The following XRCC4 variants were observed in gnomAD, a reference collection of about 807,000 sequenced individuals.
XRCC4 encodes the protein DNA repair protein XRCC4.
A neutral mutation model predicts 39.1 loss-of-function variants in XRCC4; 28 were observed. The ratio of observed to expected loss-of-function variants is 0.72; its 90% CI spans 0.53 to 0.98. XRCC4 has a LOEUF of 0.98. Ranked by LOEUF, XRCC4 falls within the 50% of genes least tolerant of loss-of-function variation. The pLI is 0.00. For synonymous variants in XRCC4, 123 were observed against 126.4 expected, an observed-to-expected ratio of 0.97 and a Z score of 0.18; for missense variants, 350 against 376.4, an observed-to-expected ratio of 0.93 and a Z score of 0.58.
intron 6 of XRCC4, among the ~76,000 whole-genome samples, chr5:83,235,079 A>G (rs746505355): frequency 8.6e-5 from 13 of 151,836 alleles, no homozygotes; most frequent in Admixed American, 1.3e-4. Context: ...TCACACCTAT[A>G]ATCCGATCAT....
intron 7 of XRCC4, among the ~76,000 whole-genome samples, chr5:83,344,880 T>A (rs1372836081): frequency 6.6e-6 from 1 of 152,194 alleles, no homozygotes; most frequent in Non-Finnish European, 1.5e-5. Context: ...CCAGCAAGAA[T>A]TTATCTAGTT....
chr5:83,360,095 C>A, the XRCC4 span, among the ~76,000 whole-genome samples: 1 of 152,092 alleles, frequency 6.6e-6, no homozygotes, highest in African/African-American at 2.4e-5. Flanking sequence ...GTATATTAAT[C>A]CTTGAGACAA....
intron 1 of XRCC4, among the ~76,000 whole-genome samples, chr5:83,080,140 A>G (rs1042822022): frequency 1.3e-5 from 2 of 152,210 alleles, no homozygotes; most frequent in East Asian, 1.9e-4. Flanking sequence ...AATTGCATAT[A>G]TTAGGCACTA....
chr5:83,270,792 T>C (rs1469040463), intron 7 of XRCC4, among the ~76,000 whole-genome samples: 1 of 13,146 alleles, frequency 7.6e-5, no homozygotes, highest in African/African-American at 1.3e-4. Flanking sequence ...TATATGTATA[T>C]ATTTTTTTTT....
intron 7 of XRCC4, among the ~76,000 whole-genome samples, chr5:83,267,615 A>G (rs1472896208): frequency 6.6e-6 from 1 of 152,190 alleles, no homozygotes; most frequent in Non-Finnish European, 1.5e-5. Flanking sequence ...AAAGCAAGAT[A>G]GGAGGAATCA....
At chr5:83,160,753 T>G (rs886664934) in intron 3 of XRCC4, among the ~76,000 whole-genome samples, 2 of 152,172 alleles carry the variant, frequency 1.3e-5, no homozygotes, top group Non-Finnish European at 2.9e-5. Flanking sequence ...ATCTTTTGGT[T>G]GTTTGTAGAC....
rs567270524 is a variant in XRCC4, at chr5:83,162,092, G to A, written c.316-33678G>A. Among the ~76,000 whole-genome samples, 137 of 152,236 alleles carry A rather than the reference G, an allele frequency of 9.0e-4. No individual in the cohort carries two copies. In the Middle Eastern group the frequency reaches 0.01, roughly 11 times the overall value. On this transcript the variant is annotated intron_variant, in intron 3 of 7. Transcript: ENST00000396027. ...TGAGGCAGGAGTGTGGCATGAACCC[G>A]GGAGGCAGAGCTTGCAGTGAGTGGA...
At chr5:83,269,809 A>T (rs1325866049) in intron 7 of XRCC4, among the ~76,000 whole-genome samples, 1 of 151,566 alleles carries the variant, frequency 6.6e-6, no homozygotes. Context: ...GAGGTCCCCA[A>T]CCTTTTTGGC....
chr5:83,134,680 C>T (rs1030529213), intron 3 of XRCC4, among the ~76,000 whole-genome samples: 1 of 152,188 alleles, frequency 6.6e-6, no homozygotes, highest in Non-Finnish European at 1.5e-5. Context: ...CCAGCAGCAG[C>T]AACTCACTCG....
chr5:83,094,342 GCTCCCCTCTCTTCCCCTCCTTTCCC>G (rs1181040263), intron 1 of XRCC4, among the ~76,000 whole-genome samples: 2 of 66,754 alleles, frequency 3.0e-5, no homozygotes, highest in East Asian at 5.0e-4. Context: ...CCTTCCCTCC[GCTCCCCTCTCTTCCCCTCCTTTCCC>G]CTCCCCTCTC....
Position 83,321,250 on chromosome 5 carries a change from G to A in XRCC4, c.894-31881G>A, listed in dbSNP as rs186705520. Among the ~76,000 whole-genome samples the A allele has an allele frequency of 5.9e-3, 901 of 152,254 alleles. 4 individuals are homozygous for A. The highest frequency in any genetic ancestry group is 8.8e-3 in the Non-Finnish European group (599 of 68,024). ...TATTGTTTTGGCATGGAACCAAACT[G>A]GCAATGTATGCAAAGTGTGTCTGTA... On this transcript the variant is annotated intron_variant, in intron 7 of 7. Coordinates refer to ENST00000396027, the MANE Select transcript of XRCC4 (RefSeq NM_003401.5).
intron 6 of XRCC4, among the ~76,000 whole-genome samples, chr5:83,233,902 C>CAAAAA (rs10629125): frequency 4.6e-4 from 36 of 77,976 alleles, no homozygotes; most frequent in African/African-American, 1.2e-3. Flanking sequence ...GACTTCATCT[C>CAAAAA]AAAAAAAAAA....
At chr5:83,252,956 C>CAA (rs2094259418) in intron 6 of XRCC4, among the ~76,000 whole-genome samples, 1 of 152,026 alleles carries the variant, frequency 6.6e-6, no homozygotes, top group South Asian at 2.1e-4. Flanking sequence ...ATTGGAGAAA[C>CAA]AAGAGATAAA....
chr5:83,127,406 G>T (rs1193635009), intron 3 of XRCC4, among the ~76,000 whole-genome samples: 1 of 152,048 alleles, frequency 6.6e-6, no homozygotes, highest in Non-Finnish European at 1.5e-5. Flanking sequence ...AGTCTCACGA[G>T]ATCTGATGCT....
At chr5:83,359,829 G>A in the XRCC4 span, among the ~76,000 whole-genome samples, 1 of 152,164 alleles carries the variant, frequency 6.6e-6, no homozygotes, top group African/African-American at 2.4e-5. Context: ...TTCTCGATAT[G>A]ATAGGAAAAT....
chr5:83,273,186 CT>C (rs1484325850), intron 7 of XRCC4, among the ~76,000 whole-genome samples: 4 of 152,214 alleles, frequency 2.6e-5, no homozygotes, highest in Non-Finnish European at 4.4e-5. Context: ...TGATGATAAA[CT>C]TTTTTTCATA....
intron 3 of XRCC4, among the ~76,000 whole-genome samples, chr5:83,181,632 A>G (rs932322900): frequency 6.6e-6 from 1 of 152,228 alleles, no homozygotes; most frequent in African/African-American, 2.4e-5. Context: ...AGGTACTTCA[A>G]CAAAGATTTA....
At chr5:83,126,018 C>T (rs1015385001) in intron 3 of XRCC4, among the ~76,000 whole-genome samples, 2 of 148,034 alleles carry the variant, frequency 1.4e-5, no homozygotes, top group African/African-American at 2.5e-5. Context: ...AATTGAGTTA[C>T]GTGAATCTTC....
chr5:83,156,880 T>C (rs889025140), intron 3 of XRCC4, among the ~76,000 whole-genome samples: 2 of 152,042 alleles, frequency 1.3e-5, no homozygotes, highest in Admixed American at 6.6e-5. Flanking sequence ...CCCCCATGAA[T>C]TGGGAGTACC....
Sources: gnomAD v4.1 joint callset for allele counts (sites outside exome capture counted in the v4.1 genomes callset) on GRCh38, gnomAD v4.1.1 for gene constraint, MANE v1.5 for transcripts, NCBI Gene and HGNC (gene_info 2026-07-23, HGNC 2026-07-21) for gene names.